KDM4C: variants seen among roughly 807,000 people sequenced by gnomAD.
KDM4C encodes the protein lysine demethylase 4C.
In KDM4C, 81 loss-of-function variants were observed where a neutral mutation model predicts 129.3. The ratio of observed to expected loss-of-function variants is 0.63; its 90% confidence interval spans 0.52 to 0.75. The LOEUF is 0.75. Ranked by LOEUF, KDM4C falls within the 30% of genes least tolerant of loss-of-function variation. KDM4C has a pLI of 0.00. For synonymous variants in KDM4C, 573 were observed against 456.1 expected (o/e 1.26, Z -3.26); for missense variants, 1,457 against 1,304.0 (o/e 1.12, Z -1.81).
chr9:7,032,536 C>G (rs1218618277), intron 15 of KDM4C, among the ~76,000 whole-genome samples: 1 of 152,218 alleles, frequency 6.6e-6, no homozygotes, highest in Non-Finnish European at 1.5e-5. Flanking sequence ...GCTAATATAA[C>G]TAGCAGGGAT....
intron 1 of KDM4C, among the ~76,000 whole-genome samples, chr9:6,740,098 C>G (rs993815464): frequency 7.9e-5 from 12 of 152,028 alleles, no homozygotes; most frequent in Non-Finnish European, 1.6e-4. Flanking sequence ...CCATTTTGGC[C>G]AGGATGGCCT....
Position 7,128,236 on chromosome 9 carries a change from G to A in KDM4C, c.2781G>A (p.Val927=), listed in dbSNP as rs557523030. 2 of 1,572,406 alleles carry A rather than the reference G, an allele frequency of 1.3e-6. No homozygotes were observed. Among genetic ancestry groups the A allele is most frequent in the Non-Finnish European group, 1.7e-6 (2 of 1,157,862 alleles). ...FSRDTFPEDI[V]SRDCLKLGPP... ...GAGACACATTTCCTGAGGATATCGT[G>A]GTAAGTAGGCTTCCTTGAGTGCCTG... The change falls in exon 19 of 22, where the codon GTG becomes GTA. Residue 927 remains valine, a splice_region_variant and synonymous_variant. Transcript: ENST00000381309.
intron 18 of KDM4C, among the ~76,000 whole-genome samples, chr9:7,123,363 G>A (rs1839707006): frequency 6.6e-6 from 1 of 152,038 alleles, no homozygotes; most frequent in African/African-American, 2.4e-5. Flanking sequence ...CCACATACAT[G>A]CACACCTAGC....
intron 5 of KDM4C, among the ~76,000 whole-genome samples, chr9:6,858,415 C>T (rs988302325): frequency 4.6e-5 from 7 of 151,988 alleles, no homozygotes; most frequent in African/African-American, 1.7e-4. Context: ...TTGTTAAATC[C>T]ATAACTCTAG....
At chr9:7,037,943 C>A (rs2031199) in intron 15 of KDM4C, among the ~76,000 whole-genome samples, 2 of 151,822 alleles carry the variant, frequency 1.3e-5, no homozygotes, top group African/African-American at 4.8e-5. Context: ...CCTGGAAAAG[C>A]CATGCTCATT....
At position 7,037,449 on chromosome 9, in the gene KDM4C, C is replaced by G. The variant is rs1827851012; in HGVS notation, c.2260-9413C>G. 2.0e-5 allele frequency among the ~76,000 whole-genome samples: 3 copies of G among 152,270 alleles called. No homozygotes were observed. The South Asian group carries it at 6.2e-4, about 32-fold the overall frequency. On this transcript the variant is annotated intron_variant, in intron 15 of 21. Transcript: ENST00000381309. ...ACAGCCATATTACAACAATGCTGTTCTCACCACTGTCAATGTTGTGTCAGC... is the reference window on the plus strand; with the variant it reads ...ACAGCCATATTACAACAATGCTGTTGTCACCACTGTCAATGTTGTGTCAGC...
chr9:7,029,555 T>A (rs1178673604), intron 15 of KDM4C, among the ~76,000 whole-genome samples: 2 of 151,806 alleles, frequency 1.3e-5, no homozygotes, highest in Non-Finnish European at 2.9e-5. Context: ...GAATTTAAAT[T>A]ATAAAATTCT....
chr9:6,960,832 A>G (rs919178599), intron 8 of KDM4C, among the ~76,000 whole-genome samples: 3 of 145,178 alleles, frequency 2.1e-5, no homozygotes, highest in African/African-American at 7.8e-5. Flanking sequence ...AAATGCCTTC[A>G]GGCATTCTCA....
chr9:7,021,443 C>A (rs1586971446), intron 15 of KDM4C, among the ~76,000 whole-genome samples: 1 of 152,112 alleles, frequency 6.6e-6, no homozygotes, highest in Non-Finnish European at 1.5e-5. Flanking sequence ...CTGGGCCTGG[C>A]CTGTCGTTTG....
intron 19 of KDM4C, among the ~76,000 whole-genome samples, chr9:7,134,117 A>C (rs1206956923): frequency 6.6e-6 from 1 of 152,120 alleles, no homozygotes; most frequent in Non-Finnish European, 1.5e-5. Flanking sequence ...ATCAGTGGAC[A>C]TTTGCCAGAG....
chr9:6,965,950 A>C (rs546281579), intron 8 of KDM4C, among the ~76,000 whole-genome samples: 1 of 152,368 alleles, frequency 6.6e-6, no homozygotes, highest in Admixed American at 6.5e-5. Context: ...TTGGTTTAAC[A>C]TTTAAAAGTC....
At chr9:7,004,926 C>T (rs1446285177) in intron 12 of KDM4C, among the ~76,000 whole-genome samples, 1 of 152,180 alleles carries the variant, frequency 6.6e-6, no homozygotes, top group East Asian at 1.9e-4. Flanking sequence ...GAATAAAGTA[C>T]ACTGACACAC....
chr9:7,122,260 C>CACAT (rs990867063), intron 18 of KDM4C, among the ~76,000 whole-genome samples: 1 of 134,982 alleles, frequency 7.4e-6, no homozygotes, highest in Non-Finnish European at 1.6e-5. Context: ...CACACACACA[C>CACAT]ACACACTCTC....
chr9:7,004,735 A>G lies in KDM4C; in HGVS notation c.1787-6963A>G, dbSNP rs956487046. Among the ~76,000 whole-genome samples the G allele has an allele frequency of 3.3e-5, 5 of 152,204 alleles. No homozygotes were observed. The East Asian group carries it at 9.6e-4, about 29-fold the overall frequency. ...TTTCCCTACAAGGCTAAACCTTTTGATGGAAATACTTATATATAGGAGATA... is the reference window on the plus strand; with the variant it reads ...TTTCCCTACAAGGCTAAACCTTTTGGTGGAAATACTTATATATAGGAGATA... On this transcript the variant is annotated intron_variant, in intron 12 of 21. Coordinates refer to ENST00000381309, the MANE Select transcript of KDM4C (RefSeq NM_015061.6).
chr9:6,814,761 C>A lies in KDM4C; in HGVS notation c.435+16C>A. 6.8e-7 allele frequency: 1 copy of A among 1,467,194 alleles called. No individual in the cohort carries two copies. Among genetic ancestry groups the A allele is most frequent in the Non-Finnish European group, 9.5e-7 (1 of 1,052,686 alleles). The allele number at this position is 1,467,194 out of a possible 1,614,324, so 90.9% of individuals were successfully genotyped here. On this transcript the variant is annotated intron_variant, in intron 4 of 21. Transcript: ENST00000381309. ...ATATGATGAGGTACATTCATATTTACAGTGAGTTTTGTAAAGATCATTGGA... is the reference window on the plus strand; with the variant it reads ...ATATGATGAGGTACATTCATATTTAAAGTGAGTTTTGTAAAGATCATTGGA...
chr9:6,744,447 C>T (rs7048013), intron 1 of KDM4C, among the ~76,000 whole-genome samples: 2 of 152,014 alleles, frequency 1.3e-5, no homozygotes, highest in East Asian at 1.9e-4. Flanking sequence ...ATTGCTTGAA[C>T]CTGGGAGGCG....
intron 1 of KDM4C, among the ~76,000 whole-genome samples, chr9:6,738,885 G>A (rs144990272): frequency 6.6e-6 from 1 of 150,514 alleles, no homozygotes; most frequent in Non-Finnish European, 1.5e-5. Context: ...ACGCCTGGCC[G>A]CCCAGCTAAT....
intron 8 of KDM4C, among the ~76,000 whole-genome samples, chr9:6,896,073 C>G (rs1816381598): frequency 6.6e-6 from 1 of 152,080 alleles, no homozygotes; most frequent in South Asian, 2.1e-4. Flanking sequence ...TATGTAGTTT[C>G]TAATCCCTGG....
At chr9:6,732,833 C>T (rs1232310862) in intron 1 of KDM4C, among the ~76,000 whole-genome samples, 4 of 152,050 alleles carry the variant, frequency 2.6e-5, no homozygotes, top group African/African-American at 4.8e-5. Flanking sequence ...GCCAGCATGG[C>T]GAAACCCTGT....
Sources: gnomAD v4.1 joint callset for allele counts (sites outside exome capture counted in the v4.1 genomes callset) on GRCh38, gnomAD v4.1.1 for gene constraint, MANE v1.5 for transcripts, NCBI Gene and HGNC (gene_info 2026-07-23, HGNC 2026-07-21) for gene names.